OLFM3: variants seen among roughly 807,000 people sequenced by gnomAD.
OLFM3 encodes the protein noelin-3.
In OLFM3, 20 loss-of-function variants were observed where a neutral mutation model predicts 48.6. The ratio of observed to expected loss-of-function variants is 0.41; its 90% CI spans 0.29 to 0.60. The LOEUF is 0.60. Among genes scored for constraint, OLFM3 ranks in the 20% least tolerant of loss-of-function variants. OLFM3 has a pLI of 0.28. For missense variants in OLFM3, 437 were observed against 544.3 expected, an observed-to-expected ratio of 0.80 and a Z score of 1.96; for synonymous variants, 222 against 198.1, an observed-to-expected ratio of 1.12 and a Z score of -1.01.
rs188987485 is a variant in OLFM3, at chr1:101,846,825, A to G, written c.70-9800T>C. The G allele has an allele frequency of 1.5e-4, 233 of 1,584,596 alleles. No individual in the cohort carries two copies. The African/African-American group carries it at 3.0e-3, about 20-fold the overall frequency. ...ATGCACTTACTTCTCAAGATGGCCA[A>G]ACCCACCGCAGTAACTTACTAAGGT... On this transcript the variant is annotated intron_variant, in intron 1 of 5. Coordinates refer to ENST00000370103, the MANE Select transcript of OLFM3 (RefSeq NM_058170.4).
At chr1:101,879,992 A>C (rs184637946) in intron 1 of OLFM3, among the ~76,000 whole-genome samples, 2 of 151,924 alleles carry the variant, frequency 1.3e-5, no homozygotes, top group Non-Finnish European at 2.9e-5. Flanking sequence ...ACAAGCATTC[A>C]GGCCTTTTAC....
At chr1:101,975,587 T>C (rs1660931695) in intron 1 of OLFM3, among the ~76,000 whole-genome samples, 1 of 152,046 alleles carries the variant, frequency 6.6e-6, no homozygotes, top group Non-Finnish European at 1.5e-5. Flanking sequence ...AGGATAAAAA[T>C]AGTCTTATTG....
intron 1 of OLFM3, among the ~76,000 whole-genome samples, chr1:101,896,487 A>G (rs1248030319): frequency 8.4e-6 from 1 of 118,972 alleles, no homozygotes; most frequent in South Asian, 2.5e-4. Context: ...ATGCTTACAC[A>G]CTTTTTTTTT....
chr1:101,897,768 T>A (rs1209062384), intron 1 of OLFM3, among the ~76,000 whole-genome samples: 1 of 152,178 alleles, frequency 6.6e-6, no homozygotes, highest in African/African-American at 2.4e-5. Flanking sequence ...TGGGATACAT[T>A]GCTGAGGATA....
At chr1:101,812,629 CTT>C (rs1654123026) in intron 4 of OLFM3, 1 of 985,592 alleles carries the variant, frequency 1.0e-6, no homozygotes. Flanking sequence ...CTTGGGGTGT[CTT>C]TGGCTTCGAT....
chr1:101,898,135 G>GA (rs1471640194), intron 1 of OLFM3, among the ~76,000 whole-genome samples: 1 of 151,942 alleles, frequency 6.6e-6, no homozygotes, highest in Non-Finnish European at 1.5e-5. Context: ...ATAGCTTACT[G>GA]AAAAAAAGTG....
chr1:101,815,454 GAAA>G (rs71088110), intron 4 of OLFM3, among the ~76,000 whole-genome samples: 17 of 128,078 alleles, frequency 1.3e-4, no homozygotes, highest in Middle Eastern at 4.5e-3. Flanking sequence ...CTCAAAAAAA[GAAA>G]AAAAAAAAAA....
intron 1 of OLFM3, among the ~76,000 whole-genome samples, chr1:101,902,101 T>C (rs1658408190): frequency 6.6e-6 from 1 of 151,614 alleles, no homozygotes; most frequent in South Asian, 2.1e-4. Context: ...GAACTAGATA[T>C]AGAAAAGGAA....
chr1:101,924,132 C>T (rs1304676811), intron 1 of OLFM3, among the ~76,000 whole-genome samples: 2 of 152,086 alleles, frequency 1.3e-5, no homozygotes, highest in Non-Finnish European at 2.9e-5. Flanking sequence ...GCATATTTTG[C>T]TTAGAAAATG....
At position 101,883,748 on chromosome 1, in the gene OLFM3, A is replaced by C. The variant is rs1198218087; in HGVS notation, c.70-46723T>G. On this transcript the variant is annotated intron_variant, in intron 1 of 5. Coordinates refer to ENST00000370103, the MANE Select transcript of OLFM3 (RefSeq NM_058170.4). ...AATTATTATATCTACTTACATACAT[A>C]TAATTGCATTTTTGTATTCTCAAGA... Among the ~76,000 whole-genome samples the C allele has an allele frequency of 2.6e-5, 4 of 151,976 alleles. No individual in the cohort carries two copies. In the East Asian group the frequency reaches 7.7e-4, roughly 29 times the overall value.
intron 1 of OLFM3, among the ~76,000 whole-genome samples, chr1:101,917,661 C>T (rs999547317): frequency 3.9e-5 from 6 of 152,168 alleles, no homozygotes; most frequent in Non-Finnish European, 7.3e-5. Context: ...AAGTGATCCA[C>T]GCATCTCAGC....
At chr1:101,899,395 AG>A (rs1557722639) in intron 1 of OLFM3, among the ~76,000 whole-genome samples, 1 of 152,150 alleles carries the variant, frequency 6.6e-6, no homozygotes, top group East Asian at 1.9e-4. Context: ...GAGGGAGAGG[AG>A]GGGCAAGACT....
chr1:101,848,835 A>G (rs575072602), intron 1 of OLFM3, among the ~76,000 whole-genome samples: 1 of 152,196 alleles, frequency 6.6e-6, no homozygotes, highest in Non-Finnish European at 1.5e-5. Flanking sequence ...GAAAATATAC[A>G]TATAATTACT....
chr1:101,970,880 T>C (rs986567699), intron 1 of OLFM3, among the ~76,000 whole-genome samples: 1 of 152,206 alleles, frequency 6.6e-6, no homozygotes, highest in East Asian at 1.9e-4. Context: ...AGCGCGTACA[T>C]AATAGATTGC....
At chr1:101,821,487 C>T (rs186775686) in intron 4 of OLFM3, among the ~76,000 whole-genome samples, 1 of 151,964 alleles carries the variant, frequency 6.6e-6, no homozygotes, top group East Asian at 1.9e-4. Context: ...TGTATAATGA[C>T]TGTATGGCTC....
At chr1:101,937,349 C>T (rs1261036135) in intron 1 of OLFM3, among the ~76,000 whole-genome samples, 2 of 152,122 alleles carry the variant, frequency 1.3e-5, no homozygotes, top group Admixed American at 6.6e-5. Flanking sequence ...GAGTCTTTGG[C>T]GTTCTCTGTT....
intron 1 of OLFM3, among the ~76,000 whole-genome samples, chr1:101,970,209 G>A (rs1379991965): frequency 1.3e-5 from 2 of 152,046 alleles, no homozygotes; most frequent in Non-Finnish European, 2.9e-5. Context: ...TAGAGTTGGG[G>A]TTTCACCATG....
At chr1:101,893,436 T>G in intron 1 of OLFM3, 1 of 295,690 alleles carries the variant, frequency 3.4e-6, no homozygotes, top group Admixed American at 3.8e-5. Flanking sequence ...AAGATAGTTT[T>G]GGGAGAAGAC....
intron 1 of OLFM3, among the ~76,000 whole-genome samples, chr1:101,874,090 C>T (rs1006214540): frequency 1.3e-5 from 2 of 151,840 alleles, no homozygotes; most frequent in African/African-American, 2.4e-5. Flanking sequence ...GCTTTGTAGT[C>T]CCCTAATTCT....
Sources: allele counts gnomAD v4.1 joint callset (sites outside exome capture counted in the v4.1 genomes callset), GRCh38; gene constraint gnomAD v4.1.1; transcripts MANE v1.5; gene names NCBI Gene and HGNC (gene_info 2026-07-23, HGNC 2026-07-21).